HDGF: variants seen among roughly 807,000 people sequenced by gnomAD.
The protein encoded by HDGF is hepatoma-derived growth factor.
In HDGF, 5 loss-of-function variants were observed where a neutral mutation model predicts 30.0. The ratio of observed to expected loss-of-function variants is 0.17; its 90% CI spans 0.09 to 0.35. HDGF has a LOEUF of 0.35. HDGF is among the 10% of genes least tolerant of loss of function. The probability of loss-of-function intolerance (pLI) is 1.00; values close to 1 mark genes in which losing one functional copy is unlikely to be tolerated. For synonymous variants in HDGF, 133 were observed against 112.7 expected (o/e 1.18, Z -1.14); for missense variants, 214 against 302.8 (o/e 0.71, Z 2.18).
Position 156,751,256 on chromosome 1 carries a change from C to A in HDGF, c.87+87G>T. On this transcript the variant is annotated intron_variant, in intron 1 of 5. Transcript: ENST00000357325. This position sits in a 1 kb window ranked among gnomAD's most constrained non-coding sequence, Gnocchi z 4.7. ...CAAGCCCCCTGCCCCCACCTCTGCCCGCTCCGCGCGGAGCGCTCGTGCCCT... is the reference window on the plus strand; with the variant it reads ...CAAGCCCCCTGCCCCCACCTCTGCCAGCTCCGCGCGGAGCGCTCGTGCCCT... 3 of 1,476,948 alleles carry A rather than the reference C, an allele frequency of 2.0e-6. No homozygotes were observed. The highest frequency in any genetic ancestry group is 2.7e-6 in the Non-Finnish European group (3 of 1,102,996). 91.5% of individuals were successfully genotyped at this position (1,476,948 alleles called of 1,614,324 possible).
chr1:156,744,019 C>G, intron 4 of HDGF, 141 bp from the exon 5 acceptor site: 1 of 1,067,232 alleles, frequency 9.4e-7, no homozygotes, highest in Non-Finnish European at 1.4e-6. Flanking sequence ...CTTCTGTGTC[C>G]CATCTGGTCA....
intron 2 of HDGF, among the ~76,000 whole-genome samples, chr1:156,758,547 C>A (rs1483451476): frequency 6.8e-6 from 1 of 146,934 alleles, no homozygotes; most frequent in Non-Finnish European, 1.5e-5. Context: ...GAGCTGAGAT[C>A]GCGCCACTGC....
intron 1 of HDGF, among the ~76,000 whole-genome samples, chr1:156,749,119 C>A (rs1650796607): frequency 6.6e-6 from 1 of 152,212 alleles, no homozygotes; most frequent in African/African-American, 2.4e-5. Flanking sequence ...CAGGTCCTGC[C>A]TATCACGTGG....
At chr1:156,757,445 G>A (rs900870468), upstream of HDGF, among the ~76,000 whole-genome samples, 19 of 150,078 alleles carry the variant, frequency 1.3e-4, no homozygotes, top group Non-Finnish European at 2.5e-4. Context: ...CAGCCTGGGC[G>A]ACAGGGCAAG....
upstream of HDGF, among the ~76,000 whole-genome samples, chr1:156,757,077 G>GCCAC (rs1263347523): frequency 6.6e-6 from 1 of 152,020 alleles, no homozygotes; most frequent in African/African-American, 2.4e-5. Context: ...ATAGGCATGA[G>GCCAC]CCACCGTGCC....
chr1:156,762,210 G>C (rs1288289125), intron 1 of HDGF, among the ~76,000 whole-genome samples: 1 of 149,910 alleles, frequency 6.7e-6, no homozygotes, highest in African/African-American at 2.5e-5. Context: ...ATAAACAATA[G>C]GAAAACAAAC....
At position 156,742,478 on chromosome 1, in the gene HDGF, G is replaced by A. The variant is rs1291805034; in HGVS notation, c.*971C>T. 1 of 152,652 alleles carries A rather than the reference G, an allele frequency of 6.6e-6. No individual in the cohort carries two copies. The highest frequency in any genetic ancestry group is 6.5e-5 in the Admixed American group (1 of 15,272). The allele number at this position is 152,652 out of a possible 1,614,324, so 9.5% of individuals were successfully genotyped here. A position where few individuals can be genotyped will look rare whatever the true frequency, so the allele number is the denominator to read the frequency against. On this transcript the variant is annotated 3_prime_UTR_variant, in exon 6 of 6. Coordinates refer to ENST00000357325, the MANE Select transcript of HDGF (RefSeq NM_004494.3). ...CACCTCAGAAATGGGGGCAACGATG[G>A]GGAAGGAGCAGAATGGAGAGCACAC...
chr1:156,751,916 C>A, upstream of HDGF: 1 of 1,037,176 alleles, frequency 9.6e-7, no homozygotes, highest in Non-Finnish European at 1.3e-6. The surrounding 1 kb of genome is among the most constrained non-coding windows in gnomAD (Gnocchi z 4.7). Context: ...GAGCCGATCG[C>A]CGAGCACGCC....
At position 156,751,376 on chromosome 1, in the gene HDGF, G is replaced by C. The variant is rs773796622; in HGVS notation, c.54C>G (p.Ala18=). The change falls in exon 1 of 6, where the codon GCC becomes GCG. Residue 18 remains alanine (A), a synonymous_variant. Transcript: ENST00000357325. This position sits in a 1 kb window ranked among gnomAD's most constrained non-coding sequence, Gnocchi z 4.7. ...KEYKCGDLVF[A]KMKGYPHWPA... The stretch of plus-strand genomic sequence containing the variant: ...GCCAGTGTGGGTAGCCCTTCATCTT[G>C]GCGAACACCAGGTCCCCGCATTTGT... The C allele has an allele frequency of 1.2e-6, 2 of 1,610,300 alleles. No homozygotes were observed. Among genetic ancestry groups the C allele is most frequent in the Non-Finnish European group, 8.5e-7 (1 of 1,178,164 alleles).
upstream of HDGF, among the ~76,000 whole-genome samples, chr1:156,756,868 C>T (rs766137021): frequency 1.1e-4 from 16 of 148,884 alleles, no homozygotes; most frequent in Admixed American, 2.0e-4. Flanking sequence ...TCTCAGCTCA[C>T]TGCAACCTCC....
rs1206713192 is a variant in HDGF, at chr1:156,745,024, T to A, written c.287A>T (p.Lys96Met). The change falls in exon 3 of 6, where the codon AAG (lysine) becomes ATG (methionine). Residue 96 changes from lysine (K) to methionine (M), a missense_variant. Physicochemically the swap from Lys to Met is moderately conservative, Grantham distance 95 (BLOSUM62 -1). Around this residue, in one of 2 missense-constraint regions of HDGF, gnomAD observed 176 missense variants for 211.7 expected, o/e 0.83. Coordinates refer to ENST00000357325, the MANE Select transcript of HDGF (RefSeq NM_004494.3). Reference protein sequence around the residue: ...LWEIENNPTVKASGYQSSQKK... With the variant: ...LWEIENNPTVMASGYQSSQKK... ...GTGGCTCACCTGATAGCCGGAAGCCTTGACAGTAGGGTTGTTCTCGATCTC... is the reference window on the plus strand; with the variant it reads ...GTGGCTCACCTGATAGCCGGAAGCCATGACAGTAGGGTTGTTCTCGATCTC... The A allele has an allele frequency of 6.2e-7, 1 of 1,614,062 alleles. No individual in the cohort carries two copies.
chr1:156,746,683 G>A (rs1389555890), intron 1 of HDGF, among the ~76,000 whole-genome samples: 1 of 152,170 alleles, frequency 6.6e-6, no homozygotes, highest in Non-Finnish European at 1.5e-5. Flanking sequence ...TGGAAGCCCA[G>A]GCCAAGCTGA....
At chr1:156,746,789 A>G (rs1650579697) in intron 1 of HDGF, among the ~76,000 whole-genome samples, 1 of 152,226 alleles carries the variant, frequency 6.6e-6, no homozygotes, top group South Asian at 2.1e-4. Context: ...CCCGCCGGAC[A>G]GAGGCCAGGT....
At chr1:156,763,153 T>C (rs1472043781) in intron 1 of HDGF, among the ~76,000 whole-genome samples, 1 of 152,222 alleles carries the variant, frequency 6.6e-6, no homozygotes, top group Non-Finnish European at 1.5e-5. Flanking sequence ...AAAATCTCTT[T>C]ACTGATGTTT....
At chr1:156,753,749 C>G (rs759167490), upstream of HDGF, among the ~76,000 whole-genome samples, 106 of 151,684 alleles carry the variant, frequency 7.0e-4, 1 homozygote, top group Admixed American at 5.0e-3. Context: ...CGGGGTTTCA[C>G]CATGTTGGTC....
At chr1:156,763,908 T>C (rs1651302614) in intron 1 of HDGF, among the ~76,000 whole-genome samples, 1 of 151,396 alleles carries the variant, frequency 6.6e-6, no homozygotes, top group Non-Finnish European at 1.5e-5. Flanking sequence ...TTCTTTAAAA[T>C]TTTTACTGAG....
chr1:156,746,628 G>C lies in HDGF; in HGVS notation c.88-1255C>G, dbSNP rs968142748. On this transcript the variant is annotated intron_variant, in intron 1 of 5. Coordinates refer to ENST00000357325, the MANE Select transcript of HDGF (RefSeq NM_004494.3). Reference sequence around the variant, plus strand: ...GAGAGGTGCAGAAATCTGAGGTCAGGGAATCCAGAGGCAGTGGCCTCGCCA... The same window carrying C: ...GAGAGGTGCAGAAATCTGAGGTCAGCGAATCCAGAGGCAGTGGCCTCGCCA... Among the ~76,000 whole-genome samples, 6 of 152,212 alleles carry C rather than the reference G, an allele frequency of 3.9e-5. No homozygotes were observed. In the East Asian group the frequency reaches 9.6e-4, roughly 24 times the overall value.
chr1:156,752,806 C>T (rs539445164), upstream of HDGF, among the ~76,000 whole-genome samples: 3 of 152,326 alleles, frequency 2.0e-5, no homozygotes, highest in Non-Finnish European at 4.4e-5. Context: ...TATGTTACGG[C>T]ATATACACGT....
In HDGF at chr1:156,744,223, C is replaced by T. The variant is rs761397299; in HGVS notation, c.429G>A (p.Glu143=). ...CTTTCTCGTTCTTCTCCTTGGCTGG[C>T]TCATCAATGACCAGCTTCCCTTCCT... ...SDEEGKLVID[E]PAKEKNEKGA... Residue 143 remains glutamate (E), a synonymous_variant, in exon 4 of 6, where the codon GAG becomes GAA. Coordinates refer to ENST00000357325, the MANE Select transcript of HDGF (RefSeq NM_004494.3). 7.4e-6 allele frequency: 12 copies of T among 1,614,062 alleles called. No homozygotes were observed. In the Admixed American group the frequency reaches 8.3e-5, roughly 11 times the overall value.
Sources: gnomAD v4.1 joint callset for allele counts (sites outside exome capture counted in the v4.1 genomes callset) on GRCh38, gnomAD v4.1.1 for gene constraint, gnomAD v4.1.1 regional missense constraint, Gnocchi (gnomAD v3.1) non-coding constraint, MANE v1.5 for transcripts, NCBI Gene and HGNC (gene_info 2026-07-23, HGNC 2026-07-21) for gene names.